ADGRL3: variants seen among roughly 807,000 people sequenced by gnomAD.
ADGRL3 encodes the protein calcium-independent alpha-latrotoxin receptor 3.
A neutral mutation model predicts 153.5 loss-of-function variants in ADGRL3; 62 were observed. The observed-to-expected ratio is 0.40, with a 90% CI of 0.33 to 0.50. The LOEUF is 0.50. Ranked by LOEUF, ADGRL3 falls within the 20% of genes least tolerant of loss-of-function variation. The probability of loss-of-function intolerance (pLI) is 0.47; values close to 1 mark genes in which losing one functional copy is unlikely to be tolerated. For missense variants in ADGRL3, 1,641 were observed against 1,859.4 expected, an observed-to-expected ratio of 0.88 and a Z score of 2.16; for synonymous variants, 710 against 672.5, an observed-to-expected ratio of 1.06 and a Z score of -0.86.
intron 1 of ADGRL3, among the ~76,000 whole-genome samples, chr4:61,203,789 T>C (rs1735890386): frequency 6.6e-6 from 1 of 152,212 alleles, no homozygotes; most frequent in African/African-American, 2.4e-5. Context: ...TATCTGCATG[T>C]GGATTACAAA....
At chr4:61,558,908 A>G (rs192797266) in intron 4 of ADGRL3, among the ~76,000 whole-genome samples, 1 of 152,232 alleles carries the variant, frequency 6.6e-6, no homozygotes, top group East Asian at 1.9e-4. Flanking sequence ...TTCATTGGGC[A>G]GATGACTTAA....
At chr4:61,796,720 G>A (rs188075362) in intron 8 of ADGRL3, among the ~76,000 whole-genome samples, 37 of 151,772 alleles carry the variant, frequency 2.4e-4, no homozygotes, top group African/African-American at 3.4e-4. Context: ...ATTTGCTGTC[G>A]TTATAATTTT....
At chr4:61,322,289 A>T (rs2095373829) in intron 1 of ADGRL3, among the ~76,000 whole-genome samples, 1 of 152,184 alleles carries the variant, frequency 6.6e-6, no homozygotes, top group African/African-American at 2.4e-5. Context: ...CATGGGAGAT[A>T]CAAGATGAGA....
At chr4:61,695,444 G>A (rs750709765) in intron 6 of ADGRL3, among the ~76,000 whole-genome samples, 8 of 152,090 alleles carry the variant, frequency 5.3e-5, no homozygotes, top group Non-Finnish European at 8.8e-5. Context: ...CTGAGTAGCA[G>A]GTCTCCACAG....
At chr4:61,692,028 T>A (rs1212225071) in intron 6 of ADGRL3, among the ~76,000 whole-genome samples, 1 of 152,122 alleles carries the variant, frequency 6.6e-6, no homozygotes, top group African/African-American at 2.4e-5. Context: ...GGGTGTTTAA[T>A]AAAAATAGAT....
At chr4:62,007,570 G>C (rs2099166259) in intron 21 of ADGRL3, among the ~76,000 whole-genome samples, 1 of 149,432 alleles carries the variant, frequency 6.7e-6, no homozygotes, top group African/African-American at 2.5e-5. Context: ...AGAATCCTTT[G>C]ACATCTTAGA....
intron 5 of ADGRL3, among the ~76,000 whole-genome samples, chr4:61,649,346 C>A (rs577929344): frequency 1.3e-5 from 2 of 152,144 alleles, no homozygotes; most frequent in South Asian, 4.1e-4. Flanking sequence ...TTCTTAATAG[C>A]AGCAACATCT....
chr4:61,450,514 A>T (rs1013012870), intron 2 of ADGRL3, among the ~76,000 whole-genome samples: 2 of 152,128 alleles, frequency 1.3e-5, no homozygotes, highest in Non-Finnish European at 2.9e-5. Flanking sequence ...TGGCATATTG[A>T]GTTCTTTTAC....
intron 12 of ADGRL3, among the ~76,000 whole-genome samples, chr4:61,911,756 A>G (rs565657732): frequency 1.3e-5 from 2 of 152,156 alleles, no homozygotes; most frequent in East Asian, 3.9e-4. Flanking sequence ...GAATTGGGAG[A>G]GTATAGGCCA....
intron 25 of ADGRL3, among the ~76,000 whole-genome samples, chr4:62,055,056 T>G (rs1042045295): frequency 6.6e-6 from 1 of 151,748 alleles, no homozygotes; most frequent in Admixed American, 6.6e-5. Flanking sequence ...AGGCAATATG[T>G]TACTTCAATA....
intron 2 of ADGRL3, among the ~76,000 whole-genome samples, chr4:61,452,794 A>G (rs921171512): frequency 6.6e-6 from 1 of 152,184 alleles, no homozygotes; most frequent in Admixed American, 6.5e-5. Context: ...CAGAATAGCC[A>G]AGTGAGATGA....
intron 4 of ADGRL3, among the ~76,000 whole-genome samples, chr4:61,520,444 C>T (rs1284794574): frequency 1.3e-5 from 2 of 152,222 alleles, no homozygotes; most frequent in South Asian, 4.1e-4. Flanking sequence ...GCATTTCAGT[C>T]CTGACAAAAC....
chr4:61,481,538 A>C (rs541335016), intron 2 of ADGRL3, among the ~76,000 whole-genome samples: 5 of 152,278 alleles, frequency 3.3e-5, no homozygotes, highest in African/African-American at 7.2e-5. Flanking sequence ...TATGAGCTCC[A>C]AAGCTCATAA....
At chr4:61,705,887 C>G (rs79593725) in intron 6 of ADGRL3, among the ~76,000 whole-genome samples, 1 of 152,270 alleles carries the variant, frequency 6.6e-6, no homozygotes, top group East Asian at 1.9e-4. Context: ...ATGCTGTAAA[C>G]AGATGTGCTG....
chr4:61,472,419 T>A (rs2097970296), intron 2 of ADGRL3, among the ~76,000 whole-genome samples: 1 of 152,118 alleles, frequency 6.6e-6, no homozygotes, highest in Non-Finnish European at 1.5e-5. Context: ...AGGCACAATT[T>A]GTGGAGAATC....
intron 2 of ADGRL3, among the ~76,000 whole-genome samples, chr4:61,448,701 AAGGAAAGAAAGAAGGAAGG>A (rs2097620941): frequency 9.7e-5 from 2 of 20,534 alleles, no homozygotes; most frequent in Non-Finnish European, 4.4e-4. Flanking sequence ...GATAGGAACG[AAGGAAAGAAAGAAGGAAGG>A]AAGGAGAGAG....
At chr4:61,260,729 T>A (rs1009242035) in intron 1 of ADGRL3, among the ~76,000 whole-genome samples, 2 of 148,256 alleles carry the variant, frequency 1.3e-5, no homozygotes, top group African/African-American at 4.9e-5. Flanking sequence ...TTTAAAAAAT[T>A]TTTTTTATTT....
intron 1 of ADGRL3, among the ~76,000 whole-genome samples, chr4:61,309,600 AGAGGTTG>A (rs1307458240): frequency 6.6e-6 from 1 of 152,158 alleles, no homozygotes. Context: ...CATGCTTTAA[AGAGGTTG>A]GAAGGAAAGA....
chr4:61,570,150 G>A (rs2098832626), intron 4 of ADGRL3, among the ~76,000 whole-genome samples: 1 of 151,958 alleles, frequency 6.6e-6, no homozygotes, highest in Non-Finnish European at 1.5e-5. Flanking sequence ...ACAAACTCTG[G>A]ATTTAAGGGC....
Sources: gnomAD v4.1 joint callset for allele counts (sites outside exome capture counted in the v4.1 genomes callset) on GRCh38, gnomAD v4.1.1 for gene constraint, MANE v1.5 for transcripts, NCBI Gene and HGNC (gene_info 2026-07-23, HGNC 2026-07-21) for gene names.